The following FGF14 variants were observed in gnomAD, a reference collection of about 807,000 sequenced individuals.
FGF14 encodes fibroblast growth factor homologous factor 4.
Under a neutral mutation model 25.5 loss-of-function variants are expected in FGF14, and 5 were observed. The observed-to-expected ratio is 0.20, with a 90% confidence interval of 0.10 to 0.41. The LOEUF is 0.41. FGF14 is among the 10% of genes least tolerant of loss of function. The pLI is 1.00. For missense variants in FGF14, 222 were observed against 320.1 expected, an observed-to-expected ratio of 0.69 and a Z score of 2.34; for synonymous variants, 138 against 118.3, an observed-to-expected ratio of 1.17 and a Z score of -1.08.
At chr13:102,310,049 A>G (rs1229232043) in intron 1 of FGF14, among the ~76,000 whole-genome samples, 2 of 152,206 alleles carry the variant, frequency 1.3e-5, no homozygotes, top group African/African-American at 4.8e-5. Flanking sequence ...TCACTTCACC[A>G]GTTTAGAACT....
At chr13:102,268,640 T>C (rs1278541320) in intron 1 of FGF14, among the ~76,000 whole-genome samples, 1 of 152,078 alleles carries the variant, frequency 6.6e-6, no homozygotes, top group Non-Finnish European at 1.5e-5. Flanking sequence ...TATATTTTAA[T>C]TTTATATGAT....
intron 1 of FGF14, among the ~76,000 whole-genome samples, chr13:102,353,261 C>G (rs890021607): frequency 6.6e-6 from 1 of 152,228 alleles, no homozygotes; most frequent in Non-Finnish European, 1.5e-5. Context: ...CTCTCTCAAT[C>G]TCTTTGCCAT....
At chr13:101,994,536 G>A (rs1041830790) in intron 1 of FGF14, among the ~76,000 whole-genome samples, 2 of 151,920 alleles carry the variant, frequency 1.3e-5, no homozygotes, top group African/African-American at 4.8e-5. Context: ...TTTTCAGAGT[G>A]CCGTTGTAAG....
At chr13:102,292,484 T>C (rs1407590970) in intron 1 of FGF14, 2 of 152,144 alleles carry the variant, frequency 1.3e-5, no homozygotes, top group South Asian at 2.1e-4. Flanking sequence ...GATATGTACA[T>C]GGACATCAGC....
At chr13:102,325,193 A>T (rs975982625) in intron 1 of FGF14, among the ~76,000 whole-genome samples, 3 of 152,158 alleles carry the variant, frequency 2.0e-5, no homozygotes, top group Admixed American at 2.0e-4. Context: ...AAGGATCCCA[A>T]AGGAAAGATG....
At chr13:102,272,696 T>A (rs548269118) in intron 1 of FGF14, among the ~76,000 whole-genome samples, 3 of 152,196 alleles carry the variant, frequency 2.0e-5, no homozygotes, top group Non-Finnish European at 4.4e-5. Context: ...ATTTTACAGA[T>A]AGGAAAACTG....
Position 101,969,469 on chromosome 13 carries a change from T to C in FGF14, c.209-94173A>G, listed in dbSNP as rs76572086. Reference sequence around the variant, plus strand: ...CTGTTAGTCATTGGTAAAGCCAAAATACTCCTGCCTTTGAAGTTTCCTGAT... The same window carrying C: ...CTGTTAGTCATTGGTAAAGCCAAAACACTCCTGCCTTTGAAGTTTCCTGAT... On this transcript the variant is annotated intron_variant, in intron 1 of 4. Coordinates refer to the FGF14 transcript ENST00000376131. Among the ~76,000 whole-genome samples the C allele has an allele frequency of 8.0e-3, 1,212 of 152,316 alleles. 7 individuals are homozygous for C. Among genetic ancestry groups the C allele is most frequent in the Non-Finnish European group, 0.013 (868 of 68,034 alleles).
Position 101,726,644 on chromosome 13 carries a change from G to A in FGF14, c.575C>T (p.Pro192Leu). 1 of 1,613,404 alleles carries A rather than the reference G, an allele frequency of 6.2e-7. No individual in the cohort carries two copies. The highest frequency in any genetic ancestry group is 8.5e-7 in the Non-Finnish European group (1 of 1,179,598). Residue 192 changes from proline (P) to leucine (L), a missense_variant, in exon 4 of 5, where the codon CCA becomes CTA. Transcript: ENST00000376143. ...MKGNRVKKTK[P>L]AAHFLPKPLE... ...TGGCTTGGGTAGAAAATGAGCTGCT[G>A]GTTTGGTTTTCTTTACTCTGTTCCC...
intron 1 of FGF14, among the ~76,000 whole-genome samples, chr13:102,107,777 C>T (rs1049834239): frequency 2.0e-5 from 3 of 152,160 alleles, no homozygotes; most frequent in Admixed American, 6.5e-5. Context: ...CAGATGGAAT[C>T]GCATGAGCAA....
At chr13:102,201,149 T>G (rs2049625820) in intron 1 of FGF14, among the ~76,000 whole-genome samples, 3 of 141,192 alleles carry the variant, frequency 2.1e-5, no homozygotes, top group South Asian at 4.8e-4. Flanking sequence ...TAATGTCTTC[T>G]TTATCAAAAG....
chr13:102,269,257 A>G (rs959196310), intron 1 of FGF14, among the ~76,000 whole-genome samples: 4 of 152,210 alleles, frequency 2.6e-5, no homozygotes, highest in African/African-American at 9.6e-5. Context: ...AAATTTCACA[A>G]TCAGCAATAG....
chr13:102,296,142 A>G (rs2141291005), intron 1 of FGF14, among the ~76,000 whole-genome samples: 1 of 152,258 alleles, frequency 6.6e-6, no homozygotes, highest in South Asian at 2.1e-4. Flanking sequence ...TCAGATATTT[A>G]GGTAAAATGA....
intron 1 of FGF14, among the ~76,000 whole-genome samples, chr13:102,276,332 C>CGT (rs35937411): frequency 0.018 from 1,907 of 108,342 alleles, 49 homozygotes; most frequent in African/African-American, 0.054. Context: ...CACACACGTA[C>CGT]GTGTGTGTGT....
intron 1 of FGF14, among the ~76,000 whole-genome samples, chr13:102,001,709 C>T (rs1301958648): frequency 6.6e-6 from 1 of 152,094 alleles, no homozygotes; most frequent in Non-Finnish European, 1.5e-5. Flanking sequence ...AAAATGAAGG[C>T]CTAATTTCAT....
At chr13:101,731,440 A>T (rs1400433263) in intron 3 of FGF14, among the ~76,000 whole-genome samples, 1 of 152,214 alleles carries the variant, frequency 6.6e-6, no homozygotes, top group East Asian at 1.9e-4. Context: ...CACCACTGCC[A>T]AACTAAATCA....
At chr13:102,265,320 T>C (rs753873898) in intron 1 of FGF14, among the ~76,000 whole-genome samples, 2 of 152,152 alleles carry the variant, frequency 1.3e-5, no homozygotes, top group Admixed American at 6.6e-5. Context: ...AGGTTCATTA[T>C]CTCTTTTAGC....
intron 1 of FGF14, among the ~76,000 whole-genome samples, chr13:102,175,184 A>C (rs2048396437): frequency 6.6e-6 from 1 of 152,150 alleles, no homozygotes. Flanking sequence ...ACATTATGTG[A>C]CTTTAAGTTA....
At chr13:102,029,555 T>A (rs2041107128) in intron 1 of FGF14, among the ~76,000 whole-genome samples, 1 of 152,068 alleles carries the variant, frequency 6.6e-6, no homozygotes. Context: ...TAAGCTACAT[T>A]AAACTATAAG....
At chr13:102,194,309 C>T (rs1472658449) in intron 1 of FGF14, among the ~76,000 whole-genome samples, 2 of 151,840 alleles carry the variant, frequency 1.3e-5, no homozygotes. Context: ...GATACATGTA[C>T]AGGACGTGCA....
Sources: gnomAD v4.1 joint callset for allele counts (sites outside exome capture counted in the v4.1 genomes callset) on GRCh38, gnomAD v4.1.1 for gene constraint, MANE v1.5 for transcripts, NCBI Gene and HGNC (gene_info 2026-07-23, HGNC 2026-07-21) for gene names.